CLIP2: variants seen among roughly 807,000 people sequenced by gnomAD.
CLIP2 encodes CAP-Gly domain-containing linker protein 2.
CLIP2 carries 41 observed loss-of-function variants against 111.7 expected under a neutral mutation model. The observed-to-expected ratio is 0.37, with a 90% CI of 0.29 to 0.48. The LOEUF (loss-of-function observed/expected upper bound fraction) is 0.48. Among genes scored for constraint, CLIP2 ranks in the 20% least tolerant of loss-of-function variants. CLIP2 has a pLI of 0.99. For synonymous variants in CLIP2, 660 were observed against 644.2 expected, an observed-to-expected ratio of 1.02 and a Z score of -0.37; for missense variants, 1,160 against 1,422.1, an observed-to-expected ratio of 0.82 and a Z score of 2.96.
At chr7:74,304,806 A>G (rs1788430162) in intron 1 of CLIP2, among the ~76,000 whole-genome samples, 1 of 152,038 alleles carries the variant, frequency 6.6e-6, no homozygotes, top group African/African-American at 2.4e-5. Flanking sequence ...TTAGCCGGAT[A>G]TGGTGGCATA....
intron 10 of CLIP2, among the ~76,000 whole-genome samples, chr7:74,378,763 A>C (rs1000540888): frequency 1.4e-4 from 22 of 152,064 alleles, no homozygotes; most frequent in African/African-American, 3.6e-4. Flanking sequence ...AACCAAAAAA[A>C]CCCGAGAATT....
At chr7:74,388,908 A>G in intron 12 of CLIP2, 195 bp from the exon 13 acceptor site, 1 of 527,376 alleles carries the variant, frequency 1.9e-6, no homozygotes, top group Non-Finnish European at 3.2e-6. Flanking sequence ...ATGAGCTATA[A>G]TTGTGCCACT....
At chr7:74,361,170 C>CCCTCCTTTCCTTCCTTCCTTCCTT (rs1790317528) in intron 7 of CLIP2, among the ~76,000 whole-genome samples, 3 of 12,704 alleles carry the variant, frequency 2.4e-4, no homozygotes, top group Admixed American at 7.7e-4. Flanking sequence ...CTCCCTCCCT[C>CCCTCCTTTCCTTCCTTCCTTCCTT]CCTTCTTTCC....
chr7:74,364,618 T>G (rs999802238), intron 8 of CLIP2, among the ~76,000 whole-genome samples: 1 of 152,144 alleles, frequency 6.6e-6, no homozygotes, highest in Admixed American at 6.6e-5. Flanking sequence ...TCCCTTCTTC[T>G]TAGGCAATAG....
intron 3 of CLIP2, among the ~76,000 whole-genome samples, chr7:74,341,844 C>T (rs966970903): frequency 6.6e-6 from 1 of 152,166 alleles, no homozygotes; most frequent in African/African-American, 2.4e-5. Context: ...CCCTGCCCTC[C>T]AGCCATCTCC....
At chr7:74,329,670 C>T (rs978029560) in intron 2 of CLIP2, among the ~76,000 whole-genome samples, 3 of 149,336 alleles carry the variant, frequency 2.0e-5, no homozygotes, top group Admixed American at 1.4e-4. Context: ...TTTTTATCTG[C>T]CCCCAAACCA....
chr7:74,338,583 G>C lies in CLIP2; in HGVS notation c.257G>C (p.Trp86Ser). Residue 86 changes from tryptophan to serine, a missense_variant, in exon 3 of 17, where the codon TGG (tryptophan) becomes TCG (serine). Coordinates refer to ENST00000223398, the MANE Select transcript of CLIP2 (RefSeq NM_003388.5). The surrounding 1 kb of genome is among the most constrained non-coding windows in gnomAD (Gnocchi z 4.3). Reference sequence around the variant, plus strand: ...GACTTTGTGGTGGGCGAGCGGGTGTGGGTGAACGGCGTGAAGCCAGGCGTG... The same window carrying C: ...GACTTTGTGGTGGGCGAGCGGGTGTCGGTGAACGGCGTGAAGCCAGGCGTG... ...LGDFVVGERV[W>S]VNGVKPGVVQ... 6.3e-7 allele frequency: 1 copy of C among 1,575,282 alleles called. No homozygotes were observed. Among genetic ancestry groups the C allele is most frequent in the Non-Finnish European group, 8.6e-7 (1 of 1,161,916 alleles).
At chr7:74,366,439 T>C (rs541334385) in intron 8 of CLIP2, among the ~76,000 whole-genome samples, 2 of 152,340 alleles carry the variant, frequency 1.3e-5, no homozygotes, top group Admixed American at 1.3e-4. Context: ...CCAAGCTCCC[T>C]GTACCATGCC....
rs782453891 is a variant in CLIP2, at chr7:74,364,324, C to T, written c.1380+9C>T. The T allele has an allele frequency of 4.3e-6, 7 of 1,612,006 alleles. No individual in the cohort carries two copies. In the South Asian group the frequency reaches 7.7e-5, roughly 18 times the overall value. The stretch of plus-strand genomic sequence containing the variant: ...CCAAGGGAGACCTGGAGGTAACAGT[C>T]AGAGGCCCCTTCCCTGGGCACACTT... On this transcript the variant is annotated intron_variant, in intron 8 of 16. Coordinates refer to ENST00000223398, the MANE Select transcript of CLIP2 (RefSeq NM_003388.5).
At chr7:74,340,747 C>T (rs1789635414) in intron 3 of CLIP2, among the ~76,000 whole-genome samples, 1 of 152,088 alleles carries the variant, frequency 6.6e-6, no homozygotes, top group Admixed American at 6.6e-5. Flanking sequence ...TGGGAAGAGA[C>T]TCATAGGGTA....
At chr7:74,362,797 A>G (rs1790369257) in intron 7 of CLIP2, among the ~76,000 whole-genome samples, 1 of 151,940 alleles carries the variant, frequency 6.6e-6, no homozygotes, top group African/African-American at 2.4e-5. Flanking sequence ...GGCCTCCCAA[A>G]GTGCTGGGAT....
At chr7:74,317,707 T>C in intron 2 of CLIP2, 40 bp downstream of exon 2, 1 of 1,384,626 alleles carries the variant, frequency 7.2e-7, no homozygotes, top group Non-Finnish European at 9.4e-7. Context: ...GGGGACTGGC[T>C]ACATGGGATG....
rs1554313057 is a variant in CLIP2, at chr7:74,376,774, G to A, written c.2373G>A (p.Glu791=). The A allele has an allele frequency of 1.2e-6, 2 of 1,611,104 alleles. No homozygotes were observed. The highest frequency in any genetic ancestry group is 1.7e-6 in the Non-Finnish European group (2 of 1,179,208). ...ESLREKLLVA[E]NRLQAVEALC... The stretch of plus-strand genomic sequence containing the variant: ...TGCGGGAGAAGCTCCTGGTGGCTGA[G>A]AACAGACTCCAGGCGGTCGAGGCCC... The change falls in exon 10 of 17, where the codon GAG becomes GAA. Residue 791 remains glutamate, a synonymous_variant. Coordinates refer to ENST00000223398, the MANE Select transcript of CLIP2 (RefSeq NM_003388.5). The surrounding 1 kb of genome is among the most constrained non-coding windows in gnomAD (Gnocchi z 7.1).
intron 16 of CLIP2, 102 bp from the exon 17 acceptor site, chr7:74,403,735 C>T: frequency 8.3e-7 from 1 of 1,201,234 alleles, no homozygotes; most frequent in African/African-American, 1.5e-5. Context: ...TATGCTCCTC[C>T]CCCACCCGGC....
At chr7:74,375,770 C>T in intron 9 of CLIP2, 117 bp from the exon 10 acceptor site, 1 of 819,760 alleles carries the variant, frequency 1.2e-6, no homozygotes, top group Non-Finnish European at 1.8e-6. Context: ...TGACCTCCAC[C>T]TGCTGGGGCT....
intron 1 of CLIP2, among the ~76,000 whole-genome samples, chr7:74,317,063 G>A (rs1249758053): frequency 6.6e-6 from 1 of 152,214 alleles, no homozygotes; most frequent in Non-Finnish European, 1.5e-5. Flanking sequence ...GTTGCAAACA[G>A]TTTGATGGAT....
chr7:74,393,727 T>C (rs1206921135), intron 13 of CLIP2, among the ~76,000 whole-genome samples: 2 of 152,222 alleles, frequency 1.3e-5, no homozygotes, highest in African/African-American at 4.8e-5. Flanking sequence ...TTTCCTTCTA[T>C]ACAGATTAAG....
chr7:74,310,716 C>A (rs797043714), intron 1 of CLIP2, among the ~76,000 whole-genome samples: 2 of 143,032 alleles, frequency 1.4e-5, no homozygotes, highest in African/African-American at 5.1e-5. Context: ...TTTTAACTTT[C>A]TTTTTTTTTT....
intron 2 of CLIP2, among the ~76,000 whole-genome samples, chr7:74,336,270 G>C (rs1407084667): frequency 6.6e-6 from 1 of 151,928 alleles, no homozygotes; most frequent in Non-Finnish European, 1.5e-5. Context: ...GTTTCCCCAT[G>C]TTGGCCAGGC....
Sources: gnomAD v4.1 joint callset for allele counts (sites outside exome capture counted in the v4.1 genomes callset) on GRCh38, gnomAD v4.1.1 for gene constraint, Gnocchi (gnomAD v3.1) non-coding constraint, MANE v1.5 for transcripts, NCBI Gene and HGNC (gene_info 2026-07-23, HGNC 2026-07-21) for gene names.